The following CARMIL1 variants were observed in gnomAD, a reference collection of about 807,000 sequenced individuals.
The protein encoded by CARMIL1 is F-actin-uncapping protein LRRC16A.
CARMIL1 carries 90 observed loss-of-function variants against 177.1 expected under a neutral mutation model. The observed-to-expected ratio is 0.51, with a 90% confidence interval of 0.43 to 0.61. The LOEUF (loss-of-function observed/expected upper bound fraction) is 0.61. Ranked by LOEUF, CARMIL1 falls within the 20% of genes least tolerant of loss-of-function variation. The pLI, the probability that CARMIL1 is intolerant of heterozygous loss-of-function variation, is 0.00. For missense variants in CARMIL1, 1,380 were observed against 1,667.0 expected (o/e 0.83, Z 3.00); for synonymous variants, 577 against 606.2 (o/e 0.95, Z 0.71).
At chr6:25,385,168 C>A (rs1792026041) in intron 2 of CARMIL1, among the ~76,000 whole-genome samples, 1 of 152,148 alleles carries the variant, frequency 6.6e-6, no homozygotes, top group Non-Finnish European at 1.5e-5. Flanking sequence ...TCTAAGGCAT[C>A]CAGTTCACAG....
In CARMIL1 at chr6:25,610,077, C is replaced by G; in HGVS notation, c.3875C>G (p.Pro1292Arg). Residue 1292 changes from proline (P) to arginine (R), a missense_variant, in exon 36 of 37, where the codon CCG becomes CGG. By Grantham distance (103) the Pro-to-Arg change is moderately radical. Transcript: ENST00000329474. ...GACATTCCAGACTCTCCATCTAGCCCGAAAGTTGCCCTTCTTCCACCTGTC... is the reference window on the plus strand; with the variant it reads ...GACATTCCAGACTCTCCATCTAGCCGGAAAGTTGCCCTTCTTCCACCTGTC... ...PDDIPDSPSS[P>R]KVALLPPVLK... 6.2e-7 allele frequency: 1 copy of G among 1,613,780 alleles called. No homozygotes were observed. Among genetic ancestry groups the G allele is most frequent in the Non-Finnish European group, 8.5e-7 (1 of 1,179,806 alleles).
At chr6:25,385,742 C>A (rs1200319115) in intron 2 of CARMIL1, among the ~76,000 whole-genome samples, 16 of 152,050 alleles carry the variant, frequency 1.1e-4, no homozygotes, top group Admixed American at 4.6e-4. Context: ...TAAAAAATGG[C>A]CTCTTTCATG....
intron 8 of CARMIL1, among the ~76,000 whole-genome samples, chr6:25,455,320 C>T (rs760848077): frequency 6.6e-6 from 1 of 152,046 alleles, no homozygotes; most frequent in Non-Finnish European, 1.5e-5. Context: ...CACTTTTTCT[C>T]GCCGTTATAT....
At chr6:25,434,042 A>C (rs185612769) in intron 4 of CARMIL1, among the ~76,000 whole-genome samples, 2 of 152,164 alleles carry the variant, frequency 1.3e-5, no homozygotes, top group Non-Finnish European at 2.9e-5. Flanking sequence ...AAGAAGTGAT[A>C]ATCTAAGAGG....
chr6:25,423,375 C>T (rs772321799), intron 3 of CARMIL1, among the ~76,000 whole-genome samples: 1 of 152,080 alleles, frequency 6.6e-6, no homozygotes, highest in Non-Finnish European at 1.5e-5. Flanking sequence ...ACTTTTCTTT[C>T]GGGGGTTGGG....
intron 2 of CARMIL1, among the ~76,000 whole-genome samples, chr6:25,333,975 A>T (rs1333497883): frequency 6.6e-6 from 1 of 152,210 alleles, no homozygotes; most frequent in Non-Finnish European, 1.5e-5. Flanking sequence ...TGATCCTAGA[A>T]TGTACTTTCC....
intron 22 of CARMIL1, among the ~76,000 whole-genome samples, chr6:25,518,916 C>A (rs896750354): frequency 6.6e-6 from 1 of 152,200 alleles, no homozygotes; most frequent in African/African-American, 2.4e-5. Context: ...CTCTTAGTTT[C>A]ATTTGGCTGG....
At chr6:25,410,360 CA>C (rs1452561901) in intron 2 of CARMIL1, among the ~76,000 whole-genome samples, 1 of 152,116 alleles carries the variant, frequency 6.6e-6, no homozygotes, top group Non-Finnish European at 1.5e-5. Flanking sequence ...TTTCTTGTTC[CA>C]ACTCTTCCAT....
chr6:25,595,206 C>G (rs1159468346), intron 32 of CARMIL1, among the ~76,000 whole-genome samples: 1 of 152,158 alleles, frequency 6.6e-6, no homozygotes. Context: ...TTATTTAATC[C>G]TCAACTAAAT....
intron 2 of CARMIL1, chr6:25,287,556 A>G (rs753813793): frequency 3.3e-5 from 5 of 152,822 alleles, no homozygotes; most frequent in African/African-American, 4.8e-5. Flanking sequence ...GCTAATATTT[A>G]TTAAACACTG....
chr6:25,467,264 A>G (rs987523396), intron 9 of CARMIL1, among the ~76,000 whole-genome samples: 1 of 152,204 alleles, frequency 6.6e-6, no homozygotes, highest in Non-Finnish European at 1.5e-5. Context: ...ACCTAAGAAT[A>G]GAAGTCCCTT....
At chr6:25,529,423 A>G (rs1485130207) in intron 24 of CARMIL1, among the ~76,000 whole-genome samples, 1 of 152,216 alleles carries the variant, frequency 6.6e-6, no homozygotes, top group Non-Finnish European at 1.5e-5. Context: ...TTTACCAAAG[A>G]AACAGAATTA....
At chr6:25,526,481 C>T (rs1464081085) in intron 23 of CARMIL1, among the ~76,000 whole-genome samples, 1 of 151,340 alleles carries the variant, frequency 6.6e-6, no homozygotes, top group East Asian at 1.9e-4. Context: ...CCTTTCCTTC[C>T]CTCTCATTCT....
At chr6:25,329,249 C>A (rs1333520727) in intron 2 of CARMIL1, among the ~76,000 whole-genome samples, 1 of 152,162 alleles carries the variant, frequency 6.6e-6, no homozygotes, top group African/African-American at 2.4e-5. Context: ...GATCTGGGAA[C>A]ACTAGGTCTA....
chr6:25,483,696 A>AC (rs1408873822), intron 12 of CARMIL1, among the ~76,000 whole-genome samples: 1 of 151,786 alleles, frequency 6.6e-6, no homozygotes, highest in Non-Finnish European at 1.5e-5. Context: ...AAAAAAAAAA[A>AC]AAAAATGGAG....
At chr6:25,325,968 C>G (rs1785049791) in intron 2 of CARMIL1, among the ~76,000 whole-genome samples, 1 of 152,098 alleles carries the variant, frequency 6.6e-6, no homozygotes, top group Admixed American at 6.5e-5. Flanking sequence ...CTCCTGGGTT[C>G]AAGCAATTCC....
intron 2 of CARMIL1, among the ~76,000 whole-genome samples, chr6:25,305,852 A>G (rs1425742293): frequency 1.3e-5 from 2 of 152,248 alleles, no homozygotes; most frequent in Admixed American, 1.3e-4. Flanking sequence ...GCCTGTCTCT[A>G]CCACTGAAGA....
intron 2 of CARMIL1, among the ~76,000 whole-genome samples, chr6:25,293,171 G>A (rs115875496): frequency 0.027 from 4,098 of 149,558 alleles, 68 homozygotes; most frequent in Non-Finnish European, 0.039. Context: ...AAATCTTTAC[G>A]TTACTGTGTT....
rs547454160 is a variant in CARMIL1 at position 25,384,664 on chromosome 6, G to A, written c.139-35450G>A. On this transcript the variant is annotated intron_variant, in intron 2 of 36. Transcript: ENST00000329474. ...TTGCTTTCAGAATGCGACCTATGGGGCAGAGGACCCAGAAATATATAGCTT... is the reference window on the plus strand; with the variant it reads ...TTGCTTTCAGAATGCGACCTATGGGACAGAGGACCCAGAAATATATAGCTT... 2.6e-5 allele frequency among the ~76,000 whole-genome samples: 4 copies of A among 152,194 alleles called. No individual in the cohort carries two copies. In the East Asian group the frequency reaches 5.8e-4, roughly 22 times the overall value.
Sources: allele counts gnomAD v4.1 joint callset (sites outside exome capture counted in the v4.1 genomes callset), GRCh38; gene constraint gnomAD v4.1.1; transcripts MANE v1.5; gene names NCBI Gene and HGNC (gene_info 2026-07-23, HGNC 2026-07-21).